Variants in APPL1 observed in about 807,000 individuals in gnomAD.
APPL1 encodes DCC-interacting protein 13-alpha.
APPL1 carries 42 observed loss-of-function variants against 106.8 expected under a neutral mutation model. The observed-to-expected ratio is 0.39, with a 90% confidence interval of 0.31 to 0.51. The LOEUF is 0.51. Among genes scored for constraint, APPL1 ranks in the 20% least tolerant of loss-of-function variants. The probability of loss-of-function intolerance (pLI) is 0.75; values close to 1 mark genes in which losing one functional copy is unlikely to be tolerated. For synonymous variants in APPL1, 263 were observed against 281.8 expected, an observed-to-expected ratio of 0.93 and a Z score of 0.67; for missense variants, 769 against 858.2, an observed-to-expected ratio of 0.90 and a Z score of 1.30.
At chr3:57,268,577 G>C (rs1179763794) in intron 21 of APPL1, 90 bp downstream of exon 21, 1 of 1,419,486 alleles carries the variant, frequency 7.0e-7, no homozygotes, top group Non-Finnish European at 9.3e-7. Flanking sequence ...TCCAAATGAA[G>C]GGCTGTTTCT....
In APPL1 at chr3:57,272,865, C is replaced by G. The variant is rs1258164762; in HGVS notation, c.*3178C>G. On this transcript the variant is annotated 3_prime_UTR_variant, in exon 22 of 22. Transcript: ENST00000288266. The stretch of plus-strand genomic sequence containing the variant: ...CCGCCCGCCTCGGCCTCCCAAAGTG[C>G]TGGGATTACAGGCGTGAGCCACCGT... 1 of 152,238 alleles carries G rather than the reference C, an allele frequency of 6.6e-6. No individual in the cohort carries two copies. Among genetic ancestry groups the G allele is most frequent in the African/African-American group, 2.4e-5 (1 of 41,450 alleles). 9.4% of individuals were successfully genotyped at this position (152,238 alleles called of 1,614,324 possible). A position where few individuals can be genotyped will look rare whatever the true frequency, so the allele number is the denominator to read the frequency against.
rs2060949047 is a variant in APPL1, at chr3:57,272,483, ATT to A, written c.*2798_*2799del. 1 of 152,184 alleles carries A rather than the reference ATT, an allele frequency of 6.6e-6. No individual in the cohort carries two copies. The highest frequency in any genetic ancestry group is 2.4e-5 in the African/African-American group (1 of 41,446). 9.4% of individuals were successfully genotyped at this position (152,184 alleles called of 1,614,324 possible). A position where few individuals can be genotyped will look rare whatever the true frequency, so the allele number is the denominator to read the frequency against. On this transcript the variant is annotated 3_prime_UTR_variant, in exon 22 of 22. Coordinates refer to ENST00000288266, the MANE Select transcript of APPL1 (RefSeq NM_012096.3). The stretch of plus-strand genomic sequence containing the variant: ...AGATAAAATCGTATATGGTAAAGGC[ATT>A]TGAGTTAATTTTGCATTATATCTAG...
intron 2 of APPL1, among the ~76,000 whole-genome samples, chr3:57,237,093 G>A (rs745620821): frequency 7.4e-4 from 113 of 152,246 alleles, no homozygotes; most frequent in Admixed American, 2.0e-3. Flanking sequence ...TTATATGACT[G>A]GGTCAACCAC....
At chr3:57,234,767 T>G (rs535722280) in intron 1 of APPL1, among the ~76,000 whole-genome samples, 158 of 152,196 alleles carry the variant, frequency 1.0e-3, no homozygotes, top group African/African-American at 3.4e-3. Flanking sequence ...GCTATTCTCT[T>G]GCCTCAGCCT....
At chr3:57,264,807 T>A (rs2060886020) in intron 19 of APPL1, among the ~76,000 whole-genome samples, 1 of 151,290 alleles carries the variant, frequency 6.6e-6, no homozygotes, top group Non-Finnish European at 1.5e-5. Flanking sequence ...GTGTCTTTTT[T>A]TTTTTTTTTT....
At chr3:57,234,673 A>G (rs753671219) in intron 1 of APPL1, among the ~76,000 whole-genome samples, 3 of 148,738 alleles carry the variant, frequency 2.0e-5, no homozygotes, top group Non-Finnish European at 4.5e-5. Flanking sequence ...TTATTTTGAG[A>G]CAGAGTCTTG....
chr3:57,236,057 T>TG (rs984321609), intron 2 of APPL1, among the ~76,000 whole-genome samples: 1 of 151,622 alleles, frequency 6.6e-6, no homozygotes, highest in Non-Finnish European at 1.5e-5. Context: ...TTTTTTTTTT[T>TG]TTTTGAGATG....
chr3:57,269,874 C>G lies in APPL1; in HGVS notation c.*187C>G, dbSNP rs1018446717. 1.6e-5 allele frequency: 10 copies of G among 633,208 alleles called. No homozygotes were observed. In the African/African-American group the frequency reaches 1.8e-4, roughly 12 times the overall value. 39.2% of individuals were successfully genotyped at this position (633,208 alleles called of 1,614,324 possible). A position where few individuals can be genotyped will look rare whatever the true frequency, so the allele number is the denominator to read the frequency against. Reference sequence around the variant, plus strand: ...AGGTTTGCATTGATCTTTTTTCCCCCTTAAACATAATGTACTATGTATTAA... The same window carrying G: ...AGGTTTGCATTGATCTTTTTTCCCCGTTAAACATAATGTACTATGTATTAA... On this transcript the variant is annotated 3_prime_UTR_variant, in exon 22 of 22. Transcript: ENST00000288266.
chr3:57,252,992 T>G (rs1271328433), intron 12 of APPL1, among the ~76,000 whole-genome samples: 2 of 152,182 alleles, frequency 1.3e-5, no homozygotes, highest in Admixed American at 6.5e-5. Context: ...TTACTTCTTA[T>G]GGAAAAGAGT....
At chr3:57,241,133 G>A (rs1405870773) in intron 5 of APPL1, among the ~76,000 whole-genome samples, 2 of 152,120 alleles carry the variant, frequency 1.3e-5, no homozygotes, top group Non-Finnish European at 2.9e-5. Context: ...GAAGCCAATG[G>A]GGGTCTTTAA....
rs144556749 is a variant in APPL1, at chr3:57,249,692, A to G, written c.1052+144A>G. On this transcript the variant is annotated intron_variant, in intron 11 of 21. Transcript: ENST00000288266. The stretch of plus-strand genomic sequence containing the variant: ...AATTGCTTTTTAATCTTGTAGAAAT[A>G]TATTGAATTTTTGTCTCTGGCTTGG... 6.1e-3 allele frequency: 4,636 copies of G among 755,214 alleles called. 23 individuals carry two copies. Among genetic ancestry groups the G allele is most frequent in the Middle Eastern group, 0.018 (45 of 2,468 alleles). 46.8% of individuals were successfully genotyped at this position (755,214 alleles called of 1,614,324 possible).
At chr3:57,243,362 C>T (rs2060756729) in intron 7 of APPL1, among the ~76,000 whole-genome samples, 1 of 152,170 alleles carries the variant, frequency 6.6e-6, no homozygotes. Flanking sequence ...AAATATTACA[C>T]TATATTTGAG....
At chr3:57,237,994 C>A (rs2060725030) in intron 3 of APPL1, 51 bp from the exon 4 acceptor site, 1 of 1,370,766 alleles carries the variant, frequency 7.3e-7, no homozygotes, top group Non-Finnish European at 1.0e-6. Context: ...TAATGTCATT[C>A]CCAAAAGACA....
intron 3 of APPL1, 112 bp downstream of exon 3, chr3:57,237,663 A>T (rs2060723599): frequency 2.9e-6 from 2 of 695,334 alleles, no homozygotes. Flanking sequence ...ATGCCATTGA[A>T]ATTTCATGAT....
intron 3 of APPL1, 28 bp from the exon 4 acceptor site, chr3:57,238,016 CT>C: frequency 6.4e-7 from 1 of 1,561,430 alleles, no homozygotes; most frequent in South Asian, 1.2e-5. Context: ...AGCATTGAAA[CT>C]TTACCTCATC....
chr3:57,247,140 T>G (rs1298439778), intron 8 of APPL1, among the ~76,000 whole-genome samples: 1 of 152,220 alleles, frequency 6.6e-6, no homozygotes, highest in Non-Finnish European at 1.5e-5. Flanking sequence ...TTTTAAAAGA[T>G]TGTTAACCAT....
chr3:57,259,140 ATTTATTG>A, intron 16 of APPL1, 60 bp downstream of exon 16: 1 of 1,400,332 alleles, frequency 7.1e-7, no homozygotes. Context: ...ACTGTGAATA[ATTTATTG>A]TTTATATTTG....
rs745685935 is a variant in APPL1 at position 57,238,083 on chromosome 3, T to C, written c.252T>C (p.Ser84=). The C allele has an allele frequency of 1.2e-6, 2 of 1,611,982 alleles. No individual in the cohort carries two copies. Among genetic ancestry groups the C allele is most frequent in the Admixed American group, 1.7e-5 (1 of 59,780 alleles). The change falls in exon 4 of 22, where the codon TCT becomes TCC. Residue 84 remains serine, a synonymous_variant. Transcript: ENST00000288266. ...GAGGTGATGATGAAGTTATGAGCTC[T>C]ACATTGCAACAGTTTTCAAAAGTTA... ...PLGGDDEVMS[S]TLQQFSKVID... is the part of the protein sequence containing the mutation.
chr3:57,268,018 G>A (rs549610181), intron 20 of APPL1: 9 of 544,896 alleles, frequency 1.7e-5, no homozygotes, highest in South Asian at 9.4e-5. Context: ...ACTTGAATCC[G>A]GGAGGCGGAG....
Sources: gnomAD v4.1 joint callset for allele counts (sites outside exome capture counted in the v4.1 genomes callset) on GRCh38, gnomAD v4.1.1 for gene constraint, MANE v1.5 for transcripts, NCBI Gene and HGNC (gene_info 2026-07-23, HGNC 2026-07-21) for gene names.